Variants in DCLK1 observed in about 807,000 individuals in gnomAD.
The protein encoded by DCLK1 is doublecortin like kinase 1.
A neutral mutation model predicts 86.2 loss-of-function variants in DCLK1; 16 were observed. That is an observed-to-expected ratio of 0.19 (90% CI 0.13 to 0.28). DCLK1 has a LOEUF of 0.28. Ranked by LOEUF, DCLK1 falls within the 10% of genes least tolerant of loss-of-function variation. The pLI is 1.00. For synonymous variants in DCLK1, 369 were observed against 370.5 expected (o/e 1.00, Z 0.05); for missense variants, 590 against 940.2 (o/e 0.63, Z 4.87).
At chr13:35,909,322 T>C (rs1874864484) in intron 4 of DCLK1, among the ~76,000 whole-genome samples, 1 of 152,158 alleles carries the variant, frequency 6.6e-6, no homozygotes, top group Non-Finnish European at 1.5e-5. Context: ...GAGAAATGAA[T>C]ATTTGCACAT....
chr13:35,812,652 C>T (rs143737209), intron 11 of DCLK1, among the ~76,000 whole-genome samples: 3 of 152,362 alleles, frequency 2.0e-5, no homozygotes, highest in Admixed American at 2.0e-4. Flanking sequence ...GTCAGATCCA[C>T]CTATCTGAAA....
rs948617133 is a variant in DCLK1, at chr13:35,770,680, T to C, written c.*3855A>G. On this transcript the variant is annotated 3_prime_UTR_variant, in exon 17 of 17. Coordinates refer to ENST00000360631, the MANE Select transcript of DCLK1 (RefSeq NM_001330071.2). The stretch of plus-strand genomic sequence containing the variant: ...TGACTTACAAATTATAGAAAAGATA[T>C]GTTATCTACAATATATGCCAGGTGA... 5.9e-5 allele frequency: 9 copies of C among 152,314 alleles called. No individual in the cohort carries two copies. The highest frequency in any genetic ancestry group is 4.6e-4 in the Admixed American group (7 of 15,304). 9.4% of individuals were successfully genotyped at this position (152,314 alleles called of 1,614,324 possible).
chr13:35,928,095 T>C (rs890586385), intron 4 of DCLK1, among the ~76,000 whole-genome samples: 3 of 152,224 alleles, frequency 2.0e-5, no homozygotes, highest in Admixed American at 6.5e-5. Flanking sequence ...CTGGGTTCTG[T>C]AAGTTGTTCT....
intron 3 of DCLK1, among the ~76,000 whole-genome samples, chr13:35,967,274 C>T (rs1306128643): frequency 2.0e-5 from 3 of 151,302 alleles, no homozygotes; most frequent in South Asian, 2.1e-4. Flanking sequence ...CCGGCCGCCC[C>T]GTCTGGGAAG....
At chr13:35,999,037 C>G (rs1177758347) in intron 3 of DCLK1, among the ~76,000 whole-genome samples, 3 of 152,108 alleles carry the variant, frequency 2.0e-5, no homozygotes, top group Admixed American at 6.5e-5. Context: ...GGCAGATCAC[C>G]TGAAGTCAGG....
chr13:35,841,233 GTTTCCTAGCAAAGATGTTCACAAT>G (rs1869771097), intron 6 of DCLK1, among the ~76,000 whole-genome samples: 1 of 152,170 alleles, frequency 6.6e-6, no homozygotes, highest in Non-Finnish European at 1.5e-5. Context: ...GCAGTAGCAT[GTTTCCTAGCAAAGATGTTCACAAT>G]TTAGACACTC....
chr13:35,888,222 T>C (rs986036045), intron 4 of DCLK1, among the ~76,000 whole-genome samples: 3 of 152,204 alleles, frequency 2.0e-5, no homozygotes, highest in African/African-American at 7.2e-5. Flanking sequence ...CCACCAACTG[T>C]CTAATAAAAT....
At chr13:35,978,925 G>A (rs963332676) in intron 3 of DCLK1, among the ~76,000 whole-genome samples, 1 of 152,212 alleles carries the variant, frequency 6.6e-6, no homozygotes, top group Non-Finnish European at 1.5e-5. Context: ...ACTAGTAAGA[G>A]TAATAACCAC....
At chr13:35,927,647 C>G (rs1876199876) in intron 4 of DCLK1, among the ~76,000 whole-genome samples, 1 of 152,136 alleles carries the variant, frequency 6.6e-6, no homozygotes, top group African/African-American at 2.4e-5. Flanking sequence ...GCTTCTAAAC[C>G]CTTGGAAATT....
chr13:35,931,678 C>T (rs533214582), intron 4 of DCLK1, among the ~76,000 whole-genome samples: 11 of 152,178 alleles, frequency 7.2e-5, no homozygotes, highest in African/African-American at 2.6e-4. Flanking sequence ...GTGGGGTAGT[C>T]TTAAAAGAAA....
At chr13:35,793,928 C>T (rs1003867458) in intron 15 of DCLK1, among the ~76,000 whole-genome samples, 1 of 152,124 alleles carries the variant, frequency 6.6e-6, no homozygotes, top group Non-Finnish European at 1.5e-5. Flanking sequence ...TTCTGCATGG[C>T]CCATAAATAA....
At chr13:35,789,584 T>C (rs544519773) in intron 16 of DCLK1, among the ~76,000 whole-genome samples, 10 of 152,332 alleles carry the variant, frequency 6.6e-5, no homozygotes, top group African/African-American at 2.4e-4. Context: ...ATTATATGCA[T>C]GCTGATTAGT....
intron 3 of DCLK1, among the ~76,000 whole-genome samples, chr13:36,053,432 G>A (rs1883193691): frequency 6.6e-6 from 1 of 152,076 alleles, no homozygotes; most frequent in Non-Finnish European, 1.5e-5. Flanking sequence ...ATGGAGAAAG[G>A]AAAATGCAAA....
At chr13:35,850,107 G>A (rs1451738044) in intron 6 of DCLK1, 1 of 984,720 alleles carries the variant, frequency 1.0e-6, no homozygotes, top group East Asian at 1.1e-4. Flanking sequence ...ATGTGTCGTT[G>A]TCATAATTTT....
intron 6 of DCLK1, chr13:35,846,370 T>C: frequency 1.0e-6 from 1 of 985,388 alleles, no homozygotes; most frequent in African/African-American, 1.7e-5. Context: ...TCATACTTCT[T>C]TGCCTATAAC....
At chr13:36,075,460 C>T (rs898866308) in intron 3 of DCLK1, among the ~76,000 whole-genome samples, 3 of 152,200 alleles carry the variant, frequency 2.0e-5, no homozygotes, top group African/African-American at 7.2e-5. Context: ...TTTGGGAAAT[C>T]GAGCATATGT....
intron 3 of DCLK1, among the ~76,000 whole-genome samples, chr13:35,964,405 G>A (rs1234199369): frequency 1.3e-5 from 2 of 152,214 alleles, no homozygotes; most frequent in Non-Finnish European, 2.9e-5. Flanking sequence ...TTGCATGAAT[G>A]CAGGATTTAA....
intron 3 of DCLK1, among the ~76,000 whole-genome samples, chr13:36,042,720 A>G (rs1267549598): frequency 1.3e-5 from 2 of 152,330 alleles, no homozygotes; most frequent in Admixed American, 6.5e-5. Context: ...TGGAGCCACC[A>G]ATATGGTTCT....
intron 3 of DCLK1, among the ~76,000 whole-genome samples, chr13:36,033,803 T>C (rs1882382487): frequency 1.3e-5 from 2 of 152,154 alleles, no homozygotes; most frequent in Non-Finnish European, 2.9e-5. Context: ...CGCATGCCTG[T>C]AATCCCAGCT....
Sources: allele counts gnomAD v4.1 joint callset (sites outside exome capture counted in the v4.1 genomes callset), GRCh38; gene constraint gnomAD v4.1.1; transcripts MANE v1.5; gene names NCBI Gene and HGNC (gene_info 2026-07-23, HGNC 2026-07-21).